VDAC1: variants seen among roughly 807,000 people sequenced by gnomAD.
VDAC1 encodes the protein non-selective voltage-gated ion channel VDAC1.
VDAC1 carries 10 observed loss-of-function variants against 34.7 expected under a neutral mutation model. The ratio of observed to expected loss-of-function variants is 0.29; its 90% CI spans 0.18 to 0.49. The LOEUF is 0.49. Ranked by LOEUF, VDAC1 falls within the 20% of genes least tolerant of loss-of-function variation. VDAC1 has a pLI of 0.99. For missense variants in VDAC1, 230 were observed against 347.9 expected, an observed-to-expected ratio of 0.66 and a Z score of 2.69; for synonymous variants, 130 against 136.0, an observed-to-expected ratio of 0.96 and a Z score of 0.30.
At chr5:134,112,451 A>G in the VDAC1 span, among the ~76,000 whole-genome samples, 1 of 152,132 alleles carries the variant, frequency 6.6e-6, no homozygotes, top group Non-Finnish European at 1.5e-5. Context: ...CCTGTGACTC[A>G]GCCCTTCTCT....
intron 1 of VDAC1, among the ~76,000 whole-genome samples, chr5:134,003,167 G>A (rs1018650989): frequency 6.6e-6 from 1 of 152,206 alleles, no homozygotes; most frequent in Non-Finnish European, 1.5e-5. Context: ...CACCTACTGT[G>A]TGCCAGGCAG....
At position 133,972,653 on chromosome 5, in the gene VDAC1, G is replaced by A. The variant is rs922020226; in HGVS notation, c.*118C>T. ...AAAGCTGAATCAACTTTAACCTGGA[G>A]GGCTAACATATTTAGCAATACTTGC... On this transcript the variant is annotated 3_prime_UTR_variant, in exon 9 of 9. Transcript: ENST00000265333. 2 of 819,794 alleles carry A rather than the reference G, an allele frequency of 2.4e-6. No homozygotes were observed. Among genetic ancestry groups the A allele is most frequent in the African/African-American group, 1.7e-5 (1 of 57,792 alleles). 50.8% of individuals were successfully genotyped at this position (819,794 alleles called of 1,614,324 possible).
chr5:134,042,941 C>G, the VDAC1 span, among the ~76,000 whole-genome samples: 1 of 152,202 alleles, frequency 6.6e-6, no homozygotes, highest in Non-Finnish European at 1.5e-5. Context: ...CTGGGGTTCC[C>G]CATTGGCACT....
the VDAC1 span, among the ~76,000 whole-genome samples, chr5:134,096,598 C>CT: frequency 1.4e-5 from 1 of 73,888 alleles, no homozygotes; most frequent in Non-Finnish European, 2.6e-5. Flanking sequence ...CTTTTCTTTT[C>CT]TCTTCTTCTT....
chr5:134,047,408 C>G, the VDAC1 span, among the ~76,000 whole-genome samples: 11 of 152,072 alleles, frequency 7.2e-5, no homozygotes, highest in African/African-American at 2.7e-4. Context: ...GGATGGTTCC[C>G]GAAGGACTGG....
the VDAC1 span, among the ~76,000 whole-genome samples, chr5:134,039,653 T>G: frequency 6.6e-6 from 1 of 151,606 alleles, no homozygotes; most frequent in Non-Finnish European, 1.5e-5. Flanking sequence ...TAAAGCTCCC[T>G]CTGGTGGTTC....
At chr5:134,085,928 C>A in the VDAC1 span, among the ~76,000 whole-genome samples, 7 of 152,168 alleles carry the variant, frequency 4.6e-5, no homozygotes, top group East Asian at 1.4e-3. Flanking sequence ...TGCAGTGGCT[C>A]ATGCCTGTAA....
chr5:134,039,512 T>C, the VDAC1 span, among the ~76,000 whole-genome samples: 3 of 76,786 alleles, frequency 3.9e-5, no homozygotes, highest in Admixed American at 1.4e-4. Flanking sequence ...GTATTTTTAG[T>C]AGAGACGGGG....
chr5:134,030,355 A>C, the VDAC1 span, among the ~76,000 whole-genome samples: 1 of 151,952 alleles, frequency 6.6e-6, no homozygotes, highest in African/African-American at 2.4e-5. Flanking sequence ...AAAAAAAGAG[A>C]AAAAAATGTT....
At chr5:134,052,039 A>G in the VDAC1 span, among the ~76,000 whole-genome samples, 1 of 152,082 alleles carries the variant, frequency 6.6e-6, no homozygotes, top group Non-Finnish European at 1.5e-5. Context: ...AGCGGGTACA[A>G]GCAAGAAGGA....
chr5:134,111,034 A>G, the VDAC1 span, among the ~76,000 whole-genome samples: 1 of 152,192 alleles, frequency 6.6e-6, no homozygotes, highest in Non-Finnish European at 1.5e-5. Context: ...TGCTGTTCTA[A>G]GCTCTTCACT....
At chr5:134,051,294 T>G in the VDAC1 span, among the ~76,000 whole-genome samples, 461 of 152,218 alleles carry the variant, frequency 3.0e-3, 3 homozygotes, top group African/African-American at 0.01. Context: ...GCTCTCAGAG[T>G]CCACAGCAGC....
intron 5 of VDAC1, 148 bp from the exon 6 acceptor site, chr5:133,981,104 AC>A: frequency 1.5e-6 from 1 of 647,156 alleles, no homozygotes; most frequent in Non-Finnish European, 2.7e-6. Flanking sequence ...CCACTGCTGT[AC>A]CACAATGAGC....
At chr5:133,986,199 G>A (rs975121182) in intron 5 of VDAC1, among the ~76,000 whole-genome samples, 6 of 152,298 alleles carry the variant, frequency 3.9e-5, no homozygotes, top group African/African-American at 1.4e-4. Flanking sequence ...TACTCAGCGT[G>A]GGTGCTGGTC....
At chr5:134,047,928 T>C in the VDAC1 span, among the ~76,000 whole-genome samples, 2 of 151,744 alleles carry the variant, frequency 1.3e-5, no homozygotes, top group Non-Finnish European at 2.9e-5. Flanking sequence ...AGCGCCATCA[T>C]TTTTCTCTTT....
At chr5:134,030,512 G>A in the VDAC1 span, among the ~76,000 whole-genome samples, 2 of 152,066 alleles carry the variant, frequency 1.3e-5, no homozygotes, top group African/African-American at 2.4e-5. Context: ...ACAAGGTTCT[G>A]TTTGAAAGCT....
Position 133,991,028 on chromosome 5 carries a change from C to G in VDAC1, c.244G>C (p.Gly82Arg). 6.2e-7 allele frequency: 1 copy of G among 1,614,172 alleles called. No individual in the cohort carries two copies. The highest frequency in any genetic ancestry group is 8.5e-7 in the Non-Finnish European group (1 of 1,180,026). The change falls in exon 4 of 9, where the codon GGC becomes CGC. Residue 82 changes from glycine to arginine, a missense_variant. Transcript: ENST00000265333. ...TEKWNTDNTL[G>R]TEITVEDQLA... ...TGATCTTCCACAGTAATCTCGGTGC[C>G]TAGTGTATTGTCGGTATTCCATTTC...
At chr5:134,032,897 G>A in the VDAC1 span, among the ~76,000 whole-genome samples, 1 of 152,112 alleles carries the variant, frequency 6.6e-6, no homozygotes, top group Non-Finnish European at 1.5e-5. Context: ...GCCAGGTGCA[G>A]TGGTACATGC....
chr5:134,050,026 G>A, the VDAC1 span, among the ~76,000 whole-genome samples: 7 of 152,216 alleles, frequency 4.6e-5, no homozygotes, highest in South Asian at 2.1e-4. Flanking sequence ...TGAGGACGGC[G>A]GATCATGAGG....
Sources: allele counts gnomAD v4.1 joint callset (sites outside exome capture counted in the v4.1 genomes callset), GRCh38; gene constraint gnomAD v4.1.1; transcripts MANE v1.5; gene names NCBI Gene and HGNC (gene_info 2026-07-23, HGNC 2026-07-21).